Variants in EPG5 observed in about 807,000 individuals in gnomAD.
The protein encoded by EPG5 is ectopic P granules protein 5 homolog.
Under a neutral mutation model 302.7 loss-of-function variants are expected in EPG5, and 159 were observed. The observed-to-expected ratio is 0.53, with a 90% confidence interval of 0.46 to 0.60. EPG5 has a LOEUF of 0.60. EPG5 is among the 20% of genes least tolerant of loss of function. EPG5 has a pLI of 0.00. For synonymous variants in EPG5, 1,158 were observed against 1,136.8 expected, an observed-to-expected ratio of 1.02 and a Z score of -0.37; for missense variants, 2,896 against 3,092.4, an observed-to-expected ratio of 0.94 and a Z score of 1.51.
At chr18:45,952,269 G>A (rs990739349) in intron 3 of EPG5, 131 bp downstream of exon 3, 12 of 1,047,508 alleles carry the variant, frequency 1.1e-5, no homozygotes, top group Non-Finnish European at 1.2e-5. Context: ...CAGTGGGGGA[G>A]GCCTGGTAAA....
intron 25 of EPG5, 125 bp from the exon 26 acceptor site, chr18:45,901,292 G>T: frequency 1.3e-6 from 1 of 782,676 alleles, no homozygotes; most frequent in Non-Finnish European, 2.0e-6. Context: ...TAGTTGAAGA[G>T]TTAAAGCTCA....
the EPG5 span, chr18:45,842,442 T>TGTGTGAGAGA: frequency 9.1e-3 from 3,135 of 344,976 alleles, 72 homozygotes; most frequent in African/African-American, 0.062. Flanking sequence ...TGTGTGTGTG[T>TGTGTGAGAGA]GAGAGAGAGA....
the EPG5 span, chr18:45,836,993 C>A: frequency 2.8e-6 from 3 of 1,068,048 alleles, no homozygotes; most frequent in South Asian, 1.3e-5. Context: ...TCAGTTTATT[C>A]ACGTGTAACC....
chr18:45,928,632 G>A lies in EPG5; in HGVS notation c.2553+237C>T, dbSNP rs9965236. Reference sequence around the variant, plus strand: ...GTAAAGTAAAAATATGTTATTGAACGAGGTGGACAAGTCAACCTTGAGATT... The same window carrying A: ...GTAAAGTAAAAATATGTTATTGAACAAGGTGGACAAGTCAACCTTGAGATT... On this transcript the variant is annotated intron_variant, in intron 13 of 43. Transcript: ENST00000282041. Among the ~76,000 whole-genome samples, 4,701 of 152,180 alleles carry A rather than the reference G, an allele frequency of 0.031. 210 individuals are homozygous for A. Among genetic ancestry groups the A allele is most frequent in the African/African-American group, 0.1 (4,239 of 41,502 alleles).
intron 30 of EPG5, among the ~76,000 whole-genome samples, chr18:45,884,180 G>C (rs747531298): frequency 9.7e-4 from 147 of 152,216 alleles, no homozygotes; most frequent in Non-Finnish European, 1.7e-3. Flanking sequence ...CTATACAACA[G>C]GGATCCCCAA....
At chr18:45,879,296 T>C in intron 32 of EPG5, 82 bp from the exon 33 acceptor site, 2 of 949,974 alleles carry the variant, frequency 2.1e-6, no homozygotes, top group Non-Finnish European at 3.2e-6. Flanking sequence ...TGGGGGTGTA[T>C]ATAGTAGGTC....
At chr18:45,936,304 T>A (rs911953003) in intron 10 of EPG5, among the ~76,000 whole-genome samples, 8 of 152,242 alleles carry the variant, frequency 5.3e-5, no homozygotes, top group African/African-American at 1.2e-4. Context: ...ATTTTAATTA[T>A]CTGCTACTTA....
chr18:45,910,553 C>T lies in EPG5; in HGVS notation c.4173G>A (p.Leu1391=). 3 of 1,612,454 alleles carry T rather than the reference C, an allele frequency of 1.9e-6. No individual in the cohort carries two copies. The highest frequency in any genetic ancestry group is 2.5e-6 in the Non-Finnish European group (3 of 1,179,462). The change falls in exon 23 of 44, where the codon CTG becomes CTA. Residue 1391 remains leucine (L), a synonymous_variant. Transcript: ENST00000282041. ...PESHSGTPGY[L]TSPELHKELV... ...GCTCCTTGTGCAGTTCTGGTGAAGT[C>T]AGGTAACCAGGGGTGCCAGAGTGGC...
At chr18:45,930,575 A>T in intron 12 of EPG5, 101 bp downstream of exon 12, 1 of 933,832 alleles carries the variant, frequency 1.1e-6, no homozygotes, top group Non-Finnish European at 1.6e-6. Flanking sequence ...GACAGTAGCT[A>T]AATAAGTCAC....
At chr18:45,888,686 C>T (rs1440644008) in intron 28 of EPG5, among the ~76,000 whole-genome samples, 1 of 152,148 alleles carries the variant, frequency 6.6e-6, no homozygotes, top group Non-Finnish European at 1.5e-5. Context: ...GTGATCCGCC[C>T]ACCTTGGCCT....
chr18:45,837,096 C>T, the EPG5 span: 2 of 1,612,696 alleles, frequency 1.2e-6, no homozygotes, highest in Non-Finnish European at 1.7e-6. Flanking sequence ...ACAGTAAGTG[C>T]TTTTATTATT....
chr18:45,879,071 C>T lies in EPG5; in HGVS notation c.5811G>A (p.Arg1937=), dbSNP rs767549570. 34 of 1,614,024 alleles carry T rather than the reference C, an allele frequency of 2.1e-5. No homozygotes were observed. The highest frequency in any genetic ancestry group is 2.7e-5 in the Non-Finnish European group (32 of 1,180,032). The change falls in exon 33 of 44, where the codon AGG becomes AGA. Residue 1937 remains arginine (R), a synonymous_variant. Coordinates refer to ENST00000282041, the MANE Select transcript of EPG5 (RefSeq NM_020964.3). ...VKTFLGYLVK[R]LIDLEMTCLA... The stretch of plus-strand genomic sequence containing the variant: ...AACAGGTCATTTCTAAGTCAATCAG[C>T]CTTTTCACAAGGTAGCCCAAGAATG...
chr18:45,919,514 GTT>G (rs758397737), intron 16 of EPG5, among the ~76,000 whole-genome samples: 13 of 139,830 alleles, frequency 9.3e-5, no homozygotes, highest in African/African-American at 7.9e-5. Context: ...TACATGTGTG[GTT>G]TTTTTTTTTT....
chr18:45,807,511 G>A, the EPG5 span, among the ~76,000 whole-genome samples: 1 of 152,188 alleles, frequency 6.6e-6, no homozygotes, highest in African/African-American at 2.4e-5. Context: ...AACAGGTGCT[G>A]GTATCCACAG....
intron 31 of EPG5, among the ~76,000 whole-genome samples, chr18:45,880,573 C>G (rs891983702): frequency 6.6e-6 from 1 of 152,090 alleles, no homozygotes; most frequent in Non-Finnish European, 1.5e-5. Flanking sequence ...ATGAGTGTGA[C>G]AGAAACAACA....
chr18:45,827,682 C>T, the EPG5 span, among the ~76,000 whole-genome samples: 1 of 152,206 alleles, frequency 6.6e-6, no homozygotes, highest in African/African-American at 2.4e-5. Flanking sequence ...ACATCAAAGG[C>T]CCCCAGCACA....
chr18:45,892,749 T>A (rs2049380858), intron 27 of EPG5, among the ~76,000 whole-genome samples: 1 of 152,192 alleles, frequency 6.6e-6, no homozygotes, highest in African/African-American at 2.4e-5. Context: ...AAACAAGCTA[T>A]CCATAGCTCA....
the EPG5 span, among the ~76,000 whole-genome samples, chr18:45,804,497 CA>C: frequency 1.5e-3 from 225 of 152,152 alleles, 1 homozygote; most frequent in African/African-American, 5.3e-3. Context: ...AAATGAATGG[CA>C]AAGTGTCAAA....
intron 1 of EPG5, among the ~76,000 whole-genome samples, chr18:45,964,151 G>T (rs1568195405): frequency 6.6e-6 from 1 of 152,180 alleles, no homozygotes; most frequent in East Asian, 1.9e-4. Context: ...TTTCATGATG[G>T]ATCTAAAAGC....
Sources: gnomAD v4.1 joint callset for allele counts (sites outside exome capture counted in the v4.1 genomes callset) on GRCh38, gnomAD v4.1.1 for gene constraint, MANE v1.5 for transcripts, NCBI Gene and HGNC (gene_info 2026-07-23, HGNC 2026-07-21) for gene names.